Variants in SF1 observed in about 807,000 individuals in gnomAD.
SF1 encodes the protein splicing factor 1, also known as branch point-binding protein.
Under a neutral mutation model 62.5 loss-of-function variants are expected in SF1, and 7 were observed. That is an observed-to-expected ratio of 0.11 (90% CI 0.06 to 0.21). The LOEUF (loss-of-function observed/expected upper bound fraction) is 0.21, where lower values mean the gene tolerates loss of function less well. Among genes scored for constraint, SF1 ranks in the 10% least tolerant of loss-of-function variants. The pLI, the probability that SF1 is intolerant of heterozygous loss-of-function variation, is 1.00. For missense variants in SF1, 578 were observed against 884.0 expected, an observed-to-expected ratio of 0.65 and a Z score of 4.39; for synonymous variants, 394 against 323.6, an observed-to-expected ratio of 1.22 and a Z score of -2.33.
At chr11:64,771,045 G>C (rs1297459861) in intron 3 of SF1, among the ~76,000 whole-genome samples, 1 of 152,180 alleles carries the variant, frequency 6.6e-6, no homozygotes, top group Non-Finnish European at 1.5e-5. Flanking sequence ...TTCGAGGTTG[G>C]GGAGTCTGGG....
intron 1 of SF1, 139 bp downstream of exon 1, chr11:64,778,223 C>A: frequency 8.6e-7 from 1 of 1,168,786 alleles, no homozygotes; most frequent in Non-Finnish European, 1.1e-6. Flanking sequence ...GGTCAGGGCC[C>A]CCATCGAGCC....
chr11:64,778,341 GC>G lies in SF1; in HGVS notation c.31+20del. On this transcript the variant is annotated intron_variant, in intron 1 of 12. Coordinates refer to ENST00000377390, the MANE Select transcript of SF1 (RefSeq NM_004630.4). ...CCTTTGGGCCCGGGGAGCGGGGGCAGCCCGGGGGGGCCCAGCTTACCCAACG... is the reference window on the plus strand; with the variant it reads ...CCTTTGGGCCCGGGGAGCGGGGGCAGCCGGGGGGGCCCAGCTTACCCAACG... 3 of 1,226,150 alleles carry G rather than the reference GC, an allele frequency of 2.4e-6. No homozygotes were observed. The highest frequency in any genetic ancestry group is 3.0e-6 in the Non-Finnish European group (3 of 983,664). 76.0% of individuals were successfully genotyped at this position (1,226,150 alleles called of 1,614,324 possible). A position where few individuals can be genotyped will look rare whatever the true frequency, so the allele number is the denominator to read the frequency against.
chr11:64,772,021 C>A (rs1435581502), intron 3 of SF1: 1 of 985,282 alleles, frequency 1.0e-6, no homozygotes, highest in Non-Finnish European at 1.2e-6. Flanking sequence ...GTTACAAAAA[C>A]AAGTCTTACC....
In SF1 at chr11:64,767,837, A is replaced by G; in HGVS notation, c.1076T>C (p.Met359Thr). The G allele has an allele frequency of 6.2e-7, 1 of 1,611,048 alleles. No individual in the cohort carries two copies. The highest frequency in any genetic ancestry group is 8.5e-7 in the Non-Finnish European group (1 of 1,178,940). The part of the protein sequence containing the change: ...PANNPPPPSL[M>T]STTQSRPPWM... ...GGGTGGGCGGCTCTGGGTGGTAGAC[A>G]TGAGAGACTACGTGAGAGCATTTCC... Residue 359 changes from methionine to threonine, a missense_variant, in exon 10 of 13, where the codon ATG becomes ACG. By Grantham distance (81) the Met-to-Thr change is moderately conservative. Around this residue, in one of 7 missense-constraint regions of SF1, gnomAD observed 410 missense variants for 452.4 expected, o/e 0.91. Coordinates refer to ENST00000377390, the MANE Select transcript of SF1 (RefSeq NM_004630.4).
chr11:64,776,787 CAG>C (rs1162821062), intron 1 of SF1, among the ~76,000 whole-genome samples, 161 bp from the exon 2 acceptor site: 3 of 152,124 alleles, frequency 2.0e-5, no homozygotes, highest in Non-Finnish European at 2.9e-5. Flanking sequence ...CCTCAGAGAT[CAG>C]AGATTTAAAG....
At chr11:64,768,063 A>T in intron 9 of SF1, 43 bp downstream of exon 9, 1 of 1,576,926 alleles carries the variant, frequency 6.3e-7, no homozygotes, top group Non-Finnish European at 8.6e-7. Flanking sequence ...TCTGCAGTAG[A>T]GAATGGGGAA....
rs2135921511 is a variant in SF1, at chr11:64,769,617, G to A, written c.480-8C>T. 1 of 1,610,960 alleles carries A rather than the reference G, an allele frequency of 6.2e-7. No individual in the cohort carries two copies. The highest frequency in any genetic ancestry group is 8.5e-7 in the Non-Finnish European group (1 of 1,177,954). The stretch of plus-strand genomic sequence containing the variant: ...TTCTTCAGGGTGTTCCCTCTAGAGA[G>A]GCAGAAATGACTAAGTTTATACCTG... On this transcript the variant is annotated splice_polypyrimidine_tract_variant and splice_region_variant and intron_variant, in intron 5 of 12. Transcript: ENST00000377390.
At chr11:64,768,315 G>GA (rs759994107) in intron 8 of SF1, 29 bp from the exon 9 acceptor site, 10 of 1,600,956 alleles carry the variant, frequency 6.2e-6, no homozygotes, top group Non-Finnish European at 8.5e-6. Flanking sequence ...CACAAACAGA[G>GA]AAAGGGGAAA....
Position 64,765,827 on chromosome 11 carries a change from T to C in SF1, c.1911A>G (p.Pro637=), listed in dbSNP as rs1182204023. The C allele has an allele frequency of 7.4e-5, 114 of 1,549,562 alleles. No homozygotes were observed. Among genetic ancestry groups the C allele is most frequent in the Non-Finnish European group, 9.1e-5 (104 of 1,147,492 alleles). The change falls in exon 13 of 13, where the codon CCA becomes CCG. Residue 637 remains proline, a synonymous_variant. Coordinates refer to ENST00000377390, the MANE Select transcript of SF1 (RefSeq NM_004630.4). ...GMPPAPPPPP[P]QN ...TTCTTAAAAAACAAGTCTAGTTCTG[T>C]GGTGGAGGCGGTGGGGGAGCTGGAG...
chr11:64,771,900 T>C, intron 3 of SF1: 2 of 985,440 alleles, frequency 2.0e-6, no homozygotes, highest in Non-Finnish European at 2.4e-6. Flanking sequence ...TTAGGGCCTC[T>C]TTCAAAACTG....
rs889419429 is a variant in SF1, at chr11:64,769,844, A to C, written c.479+120T>G. 3.6e-6 allele frequency: 3 copies of C among 842,782 alleles called. No individual in the cohort carries two copies. In the East Asian group the frequency reaches 7.8e-5, roughly 22 times the overall value. 52.2% of individuals were successfully genotyped at this position (842,782 alleles called of 1,614,324 possible). On this transcript the variant is annotated intron_variant, in intron 5 of 12. Coordinates refer to ENST00000377390, the MANE Select transcript of SF1 (RefSeq NM_004630.4). ...TCACAGAAAGGCATTAATTCAGCCA[A>C]AATGAAATGTCCTACCAAAAAGGGG...
At position 64,767,707 on chromosome 11, in the gene SF1, G is replaced by A; in HGVS notation, c.1206C>T (p.Pro402=). 1.9e-6 allele frequency: 3 copies of A among 1,612,482 alleles called. No homozygotes were observed. Among genetic ancestry groups the A allele is most frequent in the Non-Finnish European group, 1.7e-6 (2 of 1,179,222 alleles). The part of the protein sequence containing the change: ...GGPHSFPHPL[P]SLTGGHGGHP... ...GTCCACCATGCCCACCTGTCAGGCT[G>A]GGTAATGGGTGTGGGAAGCTGTGGG... Residue 402 remains proline, a synonymous_variant, in exon 10 of 13, where the codon CCC becomes CCT. Coordinates refer to ENST00000377390, the MANE Select transcript of SF1 (RefSeq NM_004630.4).
Position 64,770,014 on chromosome 11 carries a change from T to G in SF1, c.429A>C (p.Pro143=). 1.9e-6 allele frequency: 3 copies of G among 1,614,160 alleles called. No homozygotes were observed. The highest frequency in any genetic ancestry group is 2.5e-6 in the Non-Finnish European group (3 of 1,180,012). Residue 143 remains proline, a synonymous_variant, in exon 5 of 13, where the codon CCA becomes CCC. Coordinates refer to ENST00000377390, the MANE Select transcript of SF1 (RefSeq NM_004630.4). ...ATRVSDKVMI[P]QDEYPEINFV... ...AGTTGATTTCTGGGTACTCATCTTG[T>G]GGAATCATGACTTTATCACTCACAC...
chr11:64,778,276 C>G lies in SF1; in HGVS notation c.31+86G>C, dbSNP rs1226290247. 3 of 1,214,058 alleles carry G rather than the reference C, an allele frequency of 2.5e-6. No homozygotes were observed. The East Asian group carries it at 9.9e-5, about 40-fold the overall frequency. The allele number at this position is 1,214,058 out of a possible 1,614,324, so 75.2% of individuals were successfully genotyped here. ...GCGGCCCGGGAGCCAGCAGCCCCGC[C>G]CCAGGCCCGGGTGCAGGCGGAGGGC... On this transcript the variant is annotated intron_variant, in intron 1 of 12. Transcript: ENST00000377390.
chr11:64,777,937 G>C, intron 1 of SF1: 2 of 980,420 alleles, frequency 2.0e-6, no homozygotes, highest in Non-Finnish European at 2.4e-6. Flanking sequence ...CCCCTCAGGC[G>C]GCCGGGCCCG....
At chr11:64,777,556 G>A (rs1205321883) in intron 1 of SF1, 4 of 985,290 alleles carry the variant, frequency 4.1e-6, no homozygotes, top group Non-Finnish European at 4.8e-6. Context: ...CCTTGGTACG[G>A]TTCCCATTCT....
At position 64,778,146 on chromosome 11, in the gene SF1, G is replaced by A. The variant is rs1230545276; in HGVS notation, c.31+216C>T. ...GACGGTGGCGGTGGAGGCGGCGGCG[G>A]CTGCTGGGGAGGCGGAGGGGGCGGC... On this transcript the variant is annotated intron_variant, in intron 1 of 12. Transcript: ENST00000377390. 1.5e-5 allele frequency: 13 copies of A among 854,934 alleles called. No individual in the cohort carries two copies. Among genetic ancestry groups the A allele is most frequent in the Non-Finnish European group, 2.9e-6 (2 of 688,424 alleles). The allele number at this position is 854,934 out of a possible 1,614,324, so 53.0% of individuals were successfully genotyped here.
rs2135869603 is a variant in SF1, at chr11:64,765,693, A to T, written c.*125T>A. 1 of 1,464,144 alleles carries T rather than the reference A, an allele frequency of 6.8e-7. No individual in the cohort carries two copies. The highest frequency in any genetic ancestry group is 9.0e-7 in the Non-Finnish European group (1 of 1,110,478). The allele number at this position is 1,464,144 out of a possible 1,614,324, so 90.7% of individuals were successfully genotyped here. A position where few individuals can be genotyped will look rare whatever the true frequency, so the allele number is the denominator to read the frequency against. On this transcript the variant is annotated 3_prime_UTR_variant, in exon 13 of 13. Coordinates refer to ENST00000377390, the MANE Select transcript of SF1 (RefSeq NM_004630.4). ...GGCCCAGCCCAGTGCGTGCACACACACACATGCGTGCACACACAATCACAT... is the reference window on the plus strand; with the variant it reads ...GGCCCAGCCCAGTGCGTGCACACACTCACATGCGTGCACACACAATCACAT...
At position 64,768,151 on chromosome 11, in the gene SF1, G is replaced by C; in HGVS notation, c.1023C>G (p.Ala341=). 1 of 1,613,760 alleles carries C rather than the reference G, an allele frequency of 6.2e-7. No homozygotes were observed. Residue 341 remains alanine (A), a synonymous_variant, in exon 9 of 13, where the codon GCC becomes GCG. Coordinates refer to ENST00000377390, the MANE Select transcript of SF1 (RefSeq NM_004630.4). The part of the protein sequence containing the change: ...STSGPATTPL[A]SAPRPAAPAN... ...CGGGAGCAGCAGGACGAGGTGCGCTGGCCAGGGGTGTGGTGGCAGGCCCAG... is the reference window on the plus strand; with the variant it reads ...CGGGAGCAGCAGGACGAGGTGCGCTCGCCAGGGGTGTGGTGGCAGGCCCAG...
Sources: allele counts gnomAD v4.1 joint callset (sites outside exome capture counted in the v4.1 genomes callset), GRCh38; gene constraint gnomAD v4.1.1; regional missense constraint gnomAD v4.1.1; transcripts MANE v1.5; gene names NCBI Gene and HGNC (gene_info 2026-07-23, HGNC 2026-07-21).